EYS: variants seen among roughly 807,000 people sequenced by gnomAD.
The protein encoded by EYS is protein eyes shut homolog.
In EYS, 250 loss-of-function variants were observed where a neutral mutation model predicts 282.1. The ratio of observed to expected loss-of-function variants is 0.89; its 90% CI spans 0.80 to 0.98. The LOEUF is 0.98. Among genes scored for constraint, EYS ranks in the 50% least tolerant of loss-of-function variants. The pLI is 0.00. For missense variants in EYS, 4,016 were observed against 3,709.0 expected (o/e 1.08, Z -2.15); for synonymous variants, 1,355 against 1,282.9 (o/e 1.06, Z -1.20).
At chr6:65,496,244 T>C (rs1332788954) in intron 2 of EYS, among the ~76,000 whole-genome samples, 1 of 151,952 alleles carries the variant, frequency 6.6e-6, no homozygotes, top group Non-Finnish European at 1.5e-5. Context: ...GAAAAGATTA[T>C]AAATATAAGT....
chr6:64,987,177 T>TA lies in EYS; in HGVS notation c.2259+10404dup, dbSNP rs1399020920. The stretch of plus-strand genomic sequence containing the variant: ...TTACTTGTATTTCAATCTCTGTGGC[T>TA]AAGTCCTATCACCTGTTAGCAGATG... On this transcript the variant is annotated intron_variant, in intron 14 of 42. Transcript: ENST00000503581. 1.1e-4 allele frequency among the ~76,000 whole-genome samples: 16 copies of TA among 151,688 alleles called. No individual in the cohort carries two copies. In the South Asian group the frequency reaches 2.9e-3, roughly 28 times the overall value.
At position 64,637,617 on chromosome 6, in the gene EYS, A is replaced by C; in HGVS notation, c.3444-11372T>G. Among the ~76,000 whole-genome samples the C allele has an allele frequency of 2.2e-5, 2 of 90,742 alleles. 1 individual carries two copies. The highest frequency in any genetic ancestry group is 2.4e-4 in the Admixed American group (2 of 8,416). The allele number at this position is 90,742 out of a possible 152,430, so 59.5% of individuals were successfully genotyped here. ...ATAATAACAAAATTAAAAAAAAGAG[A>C]TAACAAGCAAATGGCCAGAACCAAC... On this transcript the variant is annotated intron_variant, in intron 22 of 42. Coordinates refer to ENST00000503581, the MANE Select transcript of EYS (RefSeq NM_001142800.2).
intron 12 of EYS, among the ~76,000 whole-genome samples, chr6:65,132,857 A>G (rs2150203494): frequency 6.6e-6 from 1 of 152,140 alleles, no homozygotes; most frequent in East Asian, 1.9e-4. Context: ...AAACAACCTC[A>G]GTGAAGATTT....
chr6:65,179,518 T>G (rs955843809), intron 12 of EYS, among the ~76,000 whole-genome samples: 3 of 152,058 alleles, frequency 2.0e-5, no homozygotes, highest in African/African-American at 7.2e-5. Flanking sequence ...AGGAAGAAGT[T>G]GAATCTCTGA....
intron 11 of EYS, among the ~76,000 whole-genome samples, chr6:65,327,212 G>A (rs903526901): frequency 1.3e-5 from 2 of 151,456 alleles, no homozygotes; most frequent in Middle Eastern, 3.2e-3. Context: ...TTCCAGCCTT[G>A]TTCTCAATTA....
At chr6:65,382,720 A>G (rs372723822) in intron 8 of EYS, among the ~76,000 whole-genome samples, 10 of 152,120 alleles carry the variant, frequency 6.6e-5, no homozygotes, top group African/African-American at 2.4e-4. Flanking sequence ...AGCAGGAAGT[A>G]TCCAGCACAG....
At chr6:65,149,857 A>T (rs999725511) in intron 12 of EYS, among the ~76,000 whole-genome samples, 10 of 152,122 alleles carry the variant, frequency 6.6e-5, no homozygotes, top group African/African-American at 2.4e-4. Context: ...TGGGTAATTT[A>T]TAAAGAAAAG....
intron 1 of EYS, among the ~76,000 whole-genome samples, chr6:65,699,064 T>C (rs750946367): frequency 6.6e-6 from 1 of 152,212 alleles, no homozygotes; most frequent in Non-Finnish European, 1.5e-5. Context: ...CCTATATAAA[T>C]ATTTCTCCCA....
intron 29 of EYS, among the ~76,000 whole-genome samples, chr6:64,308,702 C>T (rs1012307371): frequency 3.3e-5 from 5 of 151,894 alleles, no homozygotes; most frequent in Non-Finnish European, 7.4e-5. Context: ...TAATATATTT[C>T]ACTTTTTAAA....
intron 34 of EYS, 97 bp downstream of exon 34, chr6:63,998,976 CAA>C: frequency 2.8e-6 from 2 of 726,266 alleles, no homozygotes; most frequent in Non-Finnish European, 4.7e-6. Context: ...GGAATCTGTT[CAA>C]TTAAGAAATA....
intron 28 of EYS, among the ~76,000 whole-genome samples, chr6:64,429,298 A>AT (rs1326451299): frequency 6.6e-6 from 1 of 152,150 alleles, no homozygotes; most frequent in Non-Finnish European, 1.5e-5. Flanking sequence ...CTAAAAGGTG[A>AT]TTGGTAACCA....
intron 26 of EYS, among the ~76,000 whole-genome samples, chr6:64,485,177 G>A (rs990473765): frequency 1.3e-5 from 2 of 151,604 alleles, no homozygotes; most frequent in African/African-American, 4.8e-5. Context: ...TTAAGGAGCA[G>A]GTTAAATTGC....
chr6:64,576,726 A>G (rs1765892882), intron 26 of EYS, among the ~76,000 whole-genome samples: 1 of 152,134 alleles, frequency 6.6e-6, no homozygotes, highest in Admixed American at 6.6e-5. Context: ...ATTATGAAGA[A>G]TATAAGCAAT....
Position 64,066,605 on chromosome 6 carries a change from A to C in EYS, c.6572-114T>G, listed in dbSNP as rs932485258. The C allele has an allele frequency of 3.0e-5, 21 of 695,858 alleles. No homozygotes were observed. In the African/African-American group the frequency reaches 3.1e-4, roughly 10 times the overall value. 43.1% of individuals were successfully genotyped at this position (695,858 alleles called of 1,614,324 possible). A position where few individuals can be genotyped will look rare whatever the true frequency, so the allele number is the denominator to read the frequency against. Reference sequence around the variant, plus strand: ...ACTAATGATTTAGGGGGTTGGTAGGAGTGCTATTAGATAATTATTCAGTGT... The same window carrying C: ...ACTAATGATTTAGGGGGTTGGTAGGCGTGCTATTAGATAATTATTCAGTGT... On this transcript the variant is annotated intron_variant, in intron 32 of 42. Coordinates refer to ENST00000503581, the MANE Select transcript of EYS (RefSeq NM_001142800.2).
At position 64,468,037 on chromosome 6, in the gene EYS, G is replaced by A. The variant is rs202188818; in HGVS notation, c.5645-28685C>T. Among the ~76,000 whole-genome samples, 10 of 152,228 alleles carry A rather than the reference G, an allele frequency of 6.6e-5. No individual in the cohort carries two copies. The East Asian group carries it at 1.5e-3, about 24-fold the overall frequency. On this transcript the variant is annotated intron_variant, in intron 26 of 42. Coordinates refer to ENST00000503581, the MANE Select transcript of EYS (RefSeq NM_001142800.2). ...ATGCACTCAACCCACCACTGCCACTGCCAGCACCCAAGCAAGCTGTCTGGA... is the reference window on the plus strand; with the variant it reads ...ATGCACTCAACCCACCACTGCCACTACCAGCACCCAAGCAAGCTGTCTGGA...
intron 23 of EYS, among the ~76,000 whole-genome samples, chr6:64,622,808 G>C (rs1582964415): frequency 3.3e-5 from 5 of 152,094 alleles, no homozygotes; most frequent in Admixed American, 3.3e-4. Context: ...ATAATGGCAT[G>C]ACTGAGATCA....
intron 36 of EYS, chr6:63,857,814 A>G (rs1189139376): frequency 5.1e-6 from 1 of 197,746 alleles, no homozygotes; most frequent in African/African-American, 2.3e-5. Flanking sequence ...AGGATACACA[A>G]AAAATATCCT....
chr6:65,142,668 A>T (rs138418707), intron 12 of EYS, among the ~76,000 whole-genome samples: 255 of 152,010 alleles, frequency 1.7e-3, no homozygotes, highest in African/African-American at 5.9e-3. Flanking sequence ...TAAAAAAAAA[A>T]AACTAATAAA....
chr6:65,361,557 T>C (rs1232520853), intron 8 of EYS, among the ~76,000 whole-genome samples: 1 of 151,452 alleles, frequency 6.6e-6, no homozygotes, highest in Non-Finnish European at 1.5e-5. Flanking sequence ...CTCTGCCCAC[T>C]GCAACAACCT....
Sources: allele counts gnomAD v4.1 joint callset (sites outside exome capture counted in the v4.1 genomes callset), GRCh38; gene constraint gnomAD v4.1.1; transcripts MANE v1.5; gene names NCBI Gene and HGNC (gene_info 2026-07-23, HGNC 2026-07-21).